SLC6A13: variants seen among roughly 807,000 people sequenced by gnomAD.
The protein encoded by SLC6A13 is sodium- and chloride-dependent GABA transporter 2.
Under a neutral mutation model 72.9 loss-of-function variants are expected in SLC6A13, and 69 were observed. The ratio of observed to expected loss-of-function variants is 0.95; its 90% CI spans 0.78 to 1.16. The LOEUF (loss-of-function observed/expected upper bound fraction) is 1.16. Among genes scored for constraint, SLC6A13 ranks in the 50% most tolerant of loss-of-function variants. The probability of loss-of-function intolerance (pLI) is 0.00; values close to 1 mark genes in which losing one functional copy is unlikely to be tolerated. For synonymous variants in SLC6A13, 303 were observed against 303.0 expected, an observed-to-expected ratio of 1.00 and a Z score of 0.00; for missense variants, 735 against 760.5, an observed-to-expected ratio of 0.97 and a Z score of 0.39.
At chr12:245,281 C>A (rs1942308387) in intron 2 of SLC6A13, among the ~76,000 whole-genome samples, 2 of 152,140 alleles carry the variant, frequency 1.3e-5, no homozygotes, top group Admixed American at 1.3e-4. Flanking sequence ...AATAATTATC[C>A]CTAGACCGAG....
At chr12:233,580 TG>T (rs1941805769) in intron 7 of SLC6A13, among the ~76,000 whole-genome samples, 1 of 151,878 alleles carries the variant, frequency 6.6e-6, no homozygotes, top group African/African-American at 2.4e-5. Context: ...ATGGGTCACA[TG>T]GGCAGAGGGA....
intron 3 of SLC6A13, 136 bp from the exon 4 acceptor site, chr12:242,890 T>A: frequency 1.7e-6 from 1 of 603,288 alleles, no homozygotes; most frequent in East Asian, 3.0e-5. Context: ...GGGAAACTGC[T>A]ATTTTTGTAA....
intron 2 of SLC6A13, among the ~76,000 whole-genome samples, chr12:248,144 G>T (rs1274106027): frequency 6.6e-6 from 1 of 152,042 alleles, no homozygotes; most frequent in African/African-American, 2.4e-5. Context: ...AAATGCAAAT[G>T]GTCTAAACGT....
chr12:226,696 G>A lies in SLC6A13; in HGVS notation c.936-182C>T, dbSNP rs529064717. ...CCACGCAAAGCACTGGCTCTCCTCC[G>A]ACACTCCTCGGCCCCACCAGCCCAG... On this transcript the variant is annotated intron_variant, in intron 8 of 14. Coordinates refer to ENST00000343164, the MANE Select transcript of SLC6A13 (RefSeq NM_016615.5). 113 of 625,096 alleles carry A rather than the reference G, an allele frequency of 1.8e-4. No individual in the cohort carries two copies. In the South Asian group the frequency reaches 1.8e-3, roughly 10 times the overall value. The allele number at this position is 625,096 out of a possible 1,614,324, so 38.7% of individuals were successfully genotyped here. A position where few individuals can be genotyped will look rare whatever the true frequency, so the allele number is the denominator to read the frequency against.
At chr12:226,268 C>A (rs3782867) in intron 9 of SLC6A13, 122 bp downstream of exon 9, 183 of 1,180,464 alleles carry the variant, frequency 1.6e-4, no homozygotes, top group Non-Finnish European at 3.0e-5. Flanking sequence ...CAGAACGCAT[C>A]CACTGAATGG....
chr12:227,306 C>T (rs1941500275), intron 8 of SLC6A13, among the ~76,000 whole-genome samples: 1 of 152,218 alleles, frequency 6.6e-6, no homozygotes, highest in Admixed American at 6.5e-5. Context: ...CTAACCTCTA[C>T]ATCAGCCAGG....
rs181734602 is a variant in SLC6A13 at position 251,118 on chromosome 12, T to C, written c.203-7305A>G. On this transcript the variant is annotated intron_variant, in intron 2 of 14. Transcript: ENST00000343164. ...TTGCAATGAGCTGAGATCGCGCCAC[T>C]GCACTCCAGCCTGGGCAACAGAGCA... Among the ~76,000 whole-genome samples, 449 of 149,492 alleles carry C rather than the reference T, an allele frequency of 3.0e-3. 1 individual carries two copies. The highest frequency in any genetic ancestry group is 4.2e-3 in the Non-Finnish European group (285 of 67,648).
intron 1 of SLC6A13, among the ~76,000 whole-genome samples, chr12:261,190 G>C (rs893048023): frequency 6.6e-6 from 1 of 152,194 alleles, no homozygotes; most frequent in Non-Finnish European, 1.5e-5. Context: ...ATGACTGGAC[G>C]TGGCCCACAT....
chr12:237,711 G>A (rs1283899588), intron 5 of SLC6A13, among the ~76,000 whole-genome samples: 1 of 152,124 alleles, frequency 6.6e-6, no homozygotes, highest in African/African-American at 2.4e-5. Context: ...CGGGGGTGCG[G>A]GCAAGGAAGG....
At chr12:223,932 AG>A (rs1941326061) in intron 11 of SLC6A13, 59 bp downstream of exon 11, 1 of 1,595,622 alleles carries the variant, frequency 6.3e-7, no homozygotes, top group Non-Finnish European at 8.6e-7. Context: ...CCTCACTGAC[AG>A]GTAGCAGCTG....
chr12:243,934 A>G, intron 2 of SLC6A13, 121 bp from the exon 3 acceptor site: 2 of 833,098 alleles, frequency 2.4e-6, no homozygotes, highest in Non-Finnish European at 3.7e-6. Flanking sequence ...AACATGCAAA[A>G]CTGCAGGAGA....
chr12:258,609 G>A (rs1942823709), intron 2 of SLC6A13, among the ~76,000 whole-genome samples: 2 of 152,138 alleles, frequency 1.3e-5, no homozygotes, highest in Non-Finnish European at 2.9e-5. Context: ...CATAAGCAAG[G>A]AGATATTCCT....
intron 7 of SLC6A13, among the ~76,000 whole-genome samples, chr12:234,129 G>A (rs1055976909): frequency 1.3e-5 from 2 of 152,132 alleles, no homozygotes; most frequent in South Asian, 2.1e-4. Context: ...TCACTCCCCC[G>A]GCAGGATGGT....
intron 8 of SLC6A13, 118 bp from the exon 9 acceptor site, chr12:226,632 C>T (rs982543196): frequency 1.9e-5 from 25 of 1,292,060 alleles, no homozygotes; most frequent in Admixed American, 1.1e-4. Flanking sequence ...GGCCCCTTCA[C>T]GGACGCCGGA....
intron 2 of SLC6A13, among the ~76,000 whole-genome samples, chr12:252,168 T>C (rs1407291052): frequency 6.6e-6 from 1 of 152,248 alleles, no homozygotes; most frequent in African/African-American, 2.4e-5. Flanking sequence ...ACATACCATA[T>C]GATTCCATTT....
chr12:221,693 C>T (rs1941218943), intron 13 of SLC6A13, 147 bp from the exon 14 acceptor site: 1 of 595,618 alleles, frequency 1.7e-6, no homozygotes, highest in South Asian at 2.1e-5. Context: ...CAATCTTCTC[C>T]ATCCACACTC....
chr12:242,863 G>T, intron 3 of SLC6A13, 109 bp from the exon 4 acceptor site: 3 of 950,700 alleles, frequency 3.2e-6, no homozygotes, highest in African/African-American at 1.6e-5. Flanking sequence ...GAGGCTGGGA[G>T]TTCAATTTAC....
At chr12:238,883 G>A (rs533343360) in intron 4 of SLC6A13, among the ~76,000 whole-genome samples, 56 of 151,784 alleles carry the variant, frequency 3.7e-4, no homozygotes, top group Admixed American at 7.9e-4. Flanking sequence ...CCTGGCCTTC[G>A]GTTTTCACCC....
At chr12:248,930 T>C (rs78478225) in intron 2 of SLC6A13, among the ~76,000 whole-genome samples, 4,190 of 152,250 alleles carry the variant, frequency 0.028, 142 homozygotes, top group African/African-American at 0.082. Context: ...ATCCAAGTAA[T>C]ACAAAATTGG....
Sources: gnomAD v4.1 joint callset for allele counts (sites outside exome capture counted in the v4.1 genomes callset) on GRCh38, gnomAD v4.1.1 for gene constraint, MANE v1.5 for transcripts, NCBI Gene and HGNC (gene_info 2026-07-23, HGNC 2026-07-21) for gene names.